The following ANPEP variants were observed in gnomAD, a reference collection of about 807,000 sequenced individuals.
The protein encoded by ANPEP is aminopeptidase N.
ANPEP carries 70 observed loss-of-function variants against 114.6 expected under a neutral mutation model. The observed-to-expected ratio is 0.61, with a 90% CI of 0.50 to 0.75. The LOEUF is 0.75. ANPEP is among the 30% of genes least tolerant of loss of function. ANPEP has a pLI of 0.00. For synonymous variants in ANPEP, 548 were observed against 522.3 expected (o/e 1.05, Z -0.67); for missense variants, 1,184 against 1,259.5 (o/e 0.94, Z 0.91).
At position 89,790,496 on chromosome 15, in the gene ANPEP, C is replaced by A; in HGVS notation, c.2715G>T (p.Val905=). 1 of 1,614,020 alleles carries A rather than the reference C, an allele frequency of 6.2e-7. No individual in the cohort carries two copies. The highest frequency in any genetic ancestry group is 1.1e-5 in the South Asian group (1 of 91,042). ...CATACTCGGTGGAGAATCGTCGTGT[C>A]ACTGCCTGGATGAGGTTGGAGAAGG... ...SFSFSNLIQA[V]TRRFSTEYEL... Residue 905 remains valine (V), a synonymous_variant, in exon 20 of 21, where the codon GTG becomes GTT. Transcript: ENST00000300060.
chr15:89,813,884 C>T lies in ANPEP; in HGVS notation c.-224+888G>A, dbSNP rs550354267. 9.3e-4 allele frequency among the ~76,000 whole-genome samples: 142 copies of T among 151,984 alleles called. 4 individuals carry two copies. The South Asian group carries it at 0.026, about 28-fold the overall frequency. On this transcript the variant is annotated intron_variant, in intron 1 of 20. Transcript: ENST00000300060. ...CCAGGGCTCTGACCACCCCCGAACACGGCCTGGTGGGTTGCAGTCCAGGGG... is the reference window on the plus strand; with the variant it reads ...CCAGGGCTCTGACCACCCCCGAACATGGCCTGGTGGGTTGCAGTCCAGGGG...
At chr15:89,811,762 TG>T (rs1375286764) in intron 1 of ANPEP, among the ~76,000 whole-genome samples, 1 of 152,094 alleles carries the variant, frequency 6.6e-6, no homozygotes, top group Non-Finnish European at 1.5e-5. Context: ...TGTATGATGT[TG>T]GGGTTGCTGG....
rs764776417 is a variant in ANPEP at position 89,790,817 on chromosome 15, C to T, written c.2669+136G>A. 17 of 1,163,422 alleles carry T rather than the reference C, an allele frequency of 1.5e-5. No individual in the cohort carries two copies. The African/African-American group carries it at 2.3e-4, about 16-fold the overall frequency. The allele number at this position is 1,163,422 out of a possible 1,614,324, so 72.1% of individuals were successfully genotyped here. ...CCCAGCTTGTCTTTCCATTCCTGCC[C>T]CACCCTAGCCCCCAGGCTTGGCTGA... is the stretch of plus-strand genomic sequence containing the variant. On this transcript the variant is annotated intron_variant, in intron 19 of 20. Coordinates refer to ENST00000300060, the MANE Select transcript of ANPEP (RefSeq NM_001150.3).
Position 89,804,531 on chromosome 15 carries a change from AAAG to A in ANPEP, c.981_983del (p.Phe328del), listed in dbSNP as rs1894667897. On this transcript the variant is annotated inframe_deletion, in exon 5 of 21. Coordinates refer to ENST00000300060, the MANE Select transcript of ANPEP (RefSeq NM_001150.3). The stretch of plus-strand genomic sequence containing the variant: ...GGTAGGGTGTGTCATAATGACCAGC[AAAG>A]AAGTTAAGGATGGGGCCCGTCACGT... The A allele has an allele frequency of 1.2e-6, 2 of 1,614,216 alleles. No homozygotes were observed. The highest frequency in any genetic ancestry group is 1.7e-6 in the Non-Finnish European group (2 of 1,180,032).
At position 89,792,480 on chromosome 15, in the gene ANPEP, G is replaced by T; in HGVS notation, c.2332C>A (p.Gln778Lys). 1 of 1,614,124 alleles carries T rather than the reference G, an allele frequency of 6.2e-7. No homozygotes were observed. Among genetic ancestry groups the T allele is most frequent in the Non-Finnish European group, 8.5e-7 (1 of 1,179,996 alleles). ...TTATTATTGGGGTTCTCCATCCACT[G>T]CTTGAAAAGGCCAGAGACCATCTCC... is the stretch of plus-strand genomic sequence containing the variant. The part of the protein sequence containing the change: ...CEEMVSGLFK[Q>K]WMENPNNNPI... Residue 778 changes from glutamine to lysine, a missense_variant, in exon 17 of 21, where the codon CAG becomes AAG. Gln to Lys is a moderately conservative substitution (Grantham distance 53, BLOSUM62 1). Transcript: ENST00000300060.
At position 89,801,129 on chromosome 15, in the gene ANPEP, A is replaced by C; in HGVS notation, c.1801T>G (p.Trp601Gly). ...IRDGRQQQDY[W>G]LIDVRAQNDL... ...GGATTACCTCTTACATCTATCAGCC[A>C]GTAGTCCTGCTGCTGTCTGCCATCT... Residue 601 changes from tryptophan to glycine, a missense_variant, in exon 12 of 21, where the codon TGG (tryptophan) becomes GGG (glycine). By Grantham distance (184) the Trp-to-Gly change is radical. Transcript: ENST00000300060. 6.2e-7 allele frequency: 1 copy of C among 1,614,178 alleles called. No homozygotes were observed. The highest frequency in any genetic ancestry group is 8.5e-7 in the Non-Finnish European group (1 of 1,180,028).
chr15:89,790,402 GC>G, intron 20 of ANPEP, 57 bp downstream of exon 20: 1 of 1,502,204 alleles, frequency 6.7e-7, no homozygotes, highest in Non-Finnish European at 9.3e-7. Context: ...AGAATGGAGT[GC>G]CCCTTTGGCC....
intron 6 of ANPEP, 91 bp from the exon 7 acceptor site, chr15:89,804,093 A>G: frequency 6.4e-7 from 1 of 1,554,634 alleles, no homozygotes; most frequent in Non-Finnish European, 8.8e-7. Flanking sequence ...GCCATCTGCC[A>G]GGCACAGTGG....
In ANPEP at chr15:89,805,457, C is replaced by T. The variant is rs1894691381; in HGVS notation, c.621G>A (p.Val207=). 1 of 1,614,046 alleles carries T rather than the reference C, an allele frequency of 6.2e-7. No individual in the cohort carries two copies. Among genetic ancestry groups the T allele is most frequent in the Non-Finnish European group, 8.5e-7 (1 of 1,179,980 alleles). ...EYMEGNVRKV[V]ATTQMQAADA... is the part of the protein sequence containing the mutation. The stretch of plus-strand genomic sequence containing the variant: ...CTGCAGCCTGCATCTGTGTAGTGGC[C>T]ACCACCCTGCCCCAACAGGAAGGTT... Residue 207 remains valine, a synonymous_variant, in exon 3 of 21, where the codon GTG becomes GTA. Transcript: ENST00000300060.
chr15:89,794,255 G>T (rs887649448), intron 15 of ANPEP, among the ~76,000 whole-genome samples: 14 of 152,150 alleles, frequency 9.2e-5, no homozygotes, highest in African/African-American at 3.4e-4. Flanking sequence ...AGGCTGAGGC[G>T]GGCGGATCAC....
intron 20 of ANPEP, among the ~76,000 whole-genome samples, chr15:89,789,502 G>C (rs1272119293): frequency 1.3e-5 from 2 of 152,040 alleles, no homozygotes; most frequent in East Asian, 3.9e-4. Context: ...GCTGGGCGCA[G>C]TGGCTCACAC....
At chr15:89,796,854 CAT>C (rs1201316012) in intron 15 of ANPEP, among the ~76,000 whole-genome samples, 1 of 152,176 alleles carries the variant, frequency 6.6e-6, no homozygotes, top group Non-Finnish European at 1.5e-5. Flanking sequence ...TTAATGACTA[CAT>C]ATCACACCCT....
At chr15:89,797,320 G>T in intron 15 of ANPEP, 1 of 411,272 alleles carries the variant, frequency 2.4e-6, no homozygotes, top group Non-Finnish European at 4.3e-6. Context: ...TTATTGTTTT[G>T]CCCCACGCAG....
At chr15:89,798,963 CAAACAAAA>C (rs1184800104) in intron 14 of ANPEP, among the ~76,000 whole-genome samples, 2 of 149,464 alleles carry the variant, frequency 1.3e-5, no homozygotes, top group Non-Finnish European at 2.9e-5. Flanking sequence ...AACAAACAAA[CAAACAAAA>C]ACAAAAACAA....
intron 12 of ANPEP, among the ~76,000 whole-genome samples, chr15:89,800,804 C>A (rs1055782003): frequency 1.3e-5 from 2 of 152,134 alleles, no homozygotes; most frequent in East Asian, 1.9e-4. Context: ...CAGGTCGCCT[C>A]GGCCTCCCAA....
intron 12 of ANPEP, among the ~76,000 whole-genome samples, chr15:89,800,161 A>G (rs1894559244): frequency 6.6e-6 from 1 of 151,806 alleles, no homozygotes; most frequent in Admixed American, 6.6e-5. Flanking sequence ...CCCTAGCTAC[A>G]CTCAGTCCCC....
chr15:89,786,281 A>G (rs983980964), intron 20 of ANPEP, among the ~76,000 whole-genome samples: 1 of 152,204 alleles, frequency 6.6e-6, no homozygotes, highest in Non-Finnish European at 1.5e-5. Context: ...AAAAGAAAAA[A>G]GACCCAAATA....
At position 89,797,613 on chromosome 15, in the gene ANPEP, G is replaced by A; in HGVS notation, c.2119C>T (p.Leu707Phe). Residue 707 changes from leucine (L) to phenylalanine (F), a missense_variant, in exon 15 of 21, where the codon CTC becomes TTC. Leu to Phe is a conservative substitution (Grantham distance 22). Transcript: ENST00000300060. Reference protein sequence around the residue: ...AALSSLSYFKLMFDRSEVYGP... With the variant: ...AALSSLSYFKFMFDRSEVYGP... ...TAGACCTCGGAGCGGTCAAACATGA[G>A]CTTGAAGTAGCTCAGGCTGCTCAGG... 1 of 1,614,168 alleles carries A rather than the reference G, an allele frequency of 6.2e-7. No homozygotes were observed. Among genetic ancestry groups the A allele is most frequent in the South Asian group, 1.1e-5 (1 of 91,086 alleles).
In ANPEP at chr15:89,803,809, C is replaced by T. The variant is rs890676661; in HGVS notation, c.1294-19G>A. On this transcript the variant is annotated intron_variant, in intron 7 of 20. Coordinates refer to ENST00000300060, the MANE Select transcript of ANPEP (RefSeq NM_001150.3). The surrounding 1 kb of genome is among the most constrained non-coding windows in gnomAD (Gnocchi z 4.2). ...GGTCTTTCTGCAAATTCCCCAGGGC[C>T]ATCAGGAGACTGGCCTGGTAGCGGT... 4 of 1,610,194 alleles carry T rather than the reference C, an allele frequency of 2.5e-6. No individual in the cohort carries two copies. The Admixed American group carries it at 6.7e-5, about 27-fold the overall frequency.
Sources: gnomAD v4.1 joint callset for allele counts (sites outside exome capture counted in the v4.1 genomes callset) on GRCh38, gnomAD v4.1.1 for gene constraint, Gnocchi (gnomAD v3.1) non-coding constraint, MANE v1.5 for transcripts, NCBI Gene and HGNC (gene_info 2026-07-23, HGNC 2026-07-21) for gene names.